XYLT1: variants seen among roughly 807,000 people sequenced by gnomAD.
XYLT1 encodes xylosyltransferase 1.
XYLT1 carries 36 observed loss-of-function variants against 91.3 expected under a neutral mutation model. That is an observed-to-expected ratio of 0.39 (90% CI 0.30 to 0.52). The LOEUF (loss-of-function observed/expected upper bound fraction) is 0.52. Ranked by LOEUF, XYLT1 falls within the 20% of genes least tolerant of loss-of-function variation. The probability of loss-of-function intolerance (pLI) is 0.68; values close to 1 mark genes in which losing one functional copy is unlikely to be tolerated. For synonymous variants in XYLT1, 588 were observed against 532.0 expected (o/e 1.11, Z -1.45); for missense variants, 1,242 against 1,284.5 (o/e 0.97, Z 0.51).
At chr16:17,467,896 A>C (rs2036920962) in intron 1 of XYLT1, among the ~76,000 whole-genome samples, 1 of 152,094 alleles carries the variant, frequency 6.6e-6, no homozygotes, top group Admixed American at 6.5e-5. Flanking sequence ...ATCTTCTTCT[A>C]AGCATGTGTC....
intron 3 of XYLT1, among the ~76,000 whole-genome samples, chr16:17,252,815 G>T (rs895929501): frequency 1.3e-5 from 2 of 152,176 alleles, no homozygotes; most frequent in African/African-American, 4.8e-5. Context: ...GAATTTTTCA[G>T]ACTTGCAGCC....
At chr16:17,263,607 C>T (rs1312772558) in intron 2 of XYLT1, among the ~76,000 whole-genome samples, 4 of 151,848 alleles carry the variant, frequency 2.6e-5, no homozygotes, top group South Asian at 2.1e-4. Context: ...GCGCAGTCAG[C>T]GAGAATTGGA....
At chr16:17,357,185 A>C (rs565152619) in intron 2 of XYLT1, among the ~76,000 whole-genome samples, 13 of 143,608 alleles carry the variant, frequency 9.1e-5, no homozygotes, top group East Asian at 5.9e-4. Context: ...AAAAAAAAAA[A>C]AAAAAAAAAA....
intron 2 of XYLT1, among the ~76,000 whole-genome samples, chr16:17,343,539 C>T (rs868021808): frequency 3.3e-5 from 5 of 152,306 alleles, no homozygotes; most frequent in Admixed American, 1.3e-4. Flanking sequence ...AGCGCAATCA[C>T]AGCTCACTGC....
chr16:17,138,579 C>CAGATGAACT (rs1165672838), intron 7 of XYLT1, 48 bp from the exon 8 acceptor site: 10 of 1,590,620 alleles, frequency 6.3e-6, no homozygotes, highest in Non-Finnish European at 8.6e-6. Flanking sequence ...CAGCCTCCCA[C>CAGATGAACT]AGATGAACTG....
At chr16:17,382,847 G>GT (rs2035698997) in intron 1 of XYLT1, among the ~76,000 whole-genome samples, 2 of 152,004 alleles carry the variant, frequency 1.3e-5, no homozygotes, top group South Asian at 4.1e-4. Flanking sequence ...GCAAGAAGGA[G>GT]TAACTCCCAT....
At chr16:17,445,800 CAG>C (rs1453146393) in intron 1 of XYLT1, 1 of 152,190 alleles carries the variant, frequency 6.6e-6, no homozygotes, top group Admixed American at 6.5e-5. Flanking sequence ...CGCTTGTTCT[CAG>C]GGGCACCATT....
At chr16:17,249,440 G>A (rs1255690090) in intron 3 of XYLT1, among the ~76,000 whole-genome samples, 1 of 152,176 alleles carries the variant, frequency 6.6e-6, no homozygotes, top group Non-Finnish European at 1.5e-5. Flanking sequence ...TCAAAGATGA[G>A]TACGATCAGG....
intron 1 of XYLT1, among the ~76,000 whole-genome samples, chr16:17,468,334 G>A (rs531001717): frequency 1.3e-5 from 2 of 151,956 alleles, no homozygotes; most frequent in African/African-American, 4.8e-5. Context: ...CAACAGCATG[G>A]TAGACAGCCA....
intron 3 of XYLT1, among the ~76,000 whole-genome samples, chr16:17,239,756 C>T (rs763098267): frequency 1.1e-4 from 16 of 151,820 alleles, no homozygotes; most frequent in African/African-American, 1.5e-4. Context: ...CCCACCCAGC[C>T]TGTCCATCCA....
chr16:17,371,360 T>C (rs1329340076), intron 1 of XYLT1, among the ~76,000 whole-genome samples: 1 of 152,190 alleles, frequency 6.6e-6, no homozygotes, highest in Admixed American at 6.5e-5. Context: ...GGAAACCCAA[T>C]TCATGTTATA....
chr16:17,138,620 TTCATG>T, intron 7 of XYLT1, 89 bp from the exon 8 acceptor site: 1 of 1,485,612 alleles, frequency 6.7e-7, no homozygotes, highest in Non-Finnish European at 9.2e-7. Context: ...TTGCTCTGAG[TTCATG>T]TAAGAACTGG....
chr16:17,200,029 T>A (rs1343882667), intron 4 of XYLT1, among the ~76,000 whole-genome samples: 4 of 151,888 alleles, frequency 2.6e-5, no homozygotes, highest in South Asian at 2.1e-4. Flanking sequence ...GAGACCATCC[T>A]GGCCAACATG....
intron 2 of XYLT1, among the ~76,000 whole-genome samples, chr16:17,265,276 G>A (rs1596456472): frequency 6.6e-6 from 1 of 152,102 alleles, no homozygotes; most frequent in African/African-American, 2.4e-5. Flanking sequence ...ACACAAAGCT[G>A]GAAGAAGAAT....
At chr16:17,216,297 T>C (rs1319082469) in intron 3 of XYLT1, among the ~76,000 whole-genome samples, 1 of 152,194 alleles carries the variant, frequency 6.6e-6, no homozygotes, top group Non-Finnish European at 1.5e-5. Flanking sequence ...TCTTATTTAC[T>C]TCTCAGAGGG....
intron 5 of XYLT1, among the ~76,000 whole-genome samples, chr16:17,175,566 C>T (rs185010020): frequency 2.0e-4 from 31 of 152,244 alleles, no homozygotes; most frequent in African/African-American, 7.2e-4. Flanking sequence ...CACTGGAGCC[C>T]GCAGGCGTGG....
At chr16:17,376,918 T>G (rs2035609969) in intron 1 of XYLT1, among the ~76,000 whole-genome samples, 2 of 150,830 alleles carry the variant, frequency 1.3e-5, no homozygotes, top group African/African-American at 4.9e-5. Flanking sequence ...GGCTCACACC[T>G]GTAATCCCAG....
chr16:17,286,205 GGCTCATGTAA>G (rs2034138639), intron 2 of XYLT1, among the ~76,000 whole-genome samples: 1 of 152,104 alleles, frequency 6.6e-6, no homozygotes, highest in African/African-American at 2.4e-5. Context: ...ATTTGAACCA[GGCTCATGTAA>G]GCTCATAAAT....
In XYLT1 at chr16:17,117,722, G is replaced by A. The variant is rs758501855; in HGVS notation, c.2481C>T (p.His827=). The part of the protein sequence containing the change: ...RPGVWTVKIL[H]HWVPVAETKF... ...TGGTCTCTGCAACTGGCACCCAGTGGTGGAGAATTTTCACTGTCCAGACCC... is the reference window on the plus strand; with the variant it reads ...TGGTCTCTGCAACTGGCACCCAGTGATGGAGAATTTTCACTGTCCAGACCC... Residue 827 remains histidine, a synonymous_variant, in exon 11 of 12, where the codon CAC becomes CAT. Transcript: ENST00000261381. 4.3e-6 allele frequency: 7 copies of A among 1,614,216 alleles called. No individual in the cohort carries two copies. In the Admixed American group the frequency reaches 6.7e-5, roughly 15 times the overall value.
Sources: allele counts gnomAD v4.1 joint callset (sites outside exome capture counted in the v4.1 genomes callset), GRCh38; gene constraint gnomAD v4.1.1; transcripts MANE v1.5; gene names NCBI Gene and HGNC (gene_info 2026-07-23, HGNC 2026-07-21).